The following PRKAR1A variants were observed in gnomAD, a reference collection of about 807,000 sequenced individuals.
PRKAR1A encodes protein kinase cAMP-dependent type I regulatory subunit alpha.
In PRKAR1A, 3 loss-of-function variants were observed where a neutral mutation model predicts 52.0. That is an observed-to-expected ratio of 0.06 (90% CI 0.03 to 0.15). PRKAR1A has a LOEUF of 0.15. PRKAR1A is among the 10% of genes least tolerant of loss of function. The pLI is 1.00. For missense variants in PRKAR1A, 240 were observed against 477.4 expected (o/e 0.50, Z 4.63); for synonymous variants, 188 against 168.4 (o/e 1.12, Z -0.90).
chr17:68,541,036 C>T, intron 11 of PRKAR1A: 2 of 1,540,142 alleles, frequency 1.3e-6, no homozygotes, highest in Non-Finnish European at 8.8e-7. Flanking sequence ...CCTCCCCCTG[C>T]CCCCCCAATC....
At chr17:68,488,734 CAA>C in the PRKAR1A span, among the ~76,000 whole-genome samples, 8 of 42,786 alleles carry the variant, frequency 1.9e-4, no homozygotes, top group Admixed American at 2.7e-4. Flanking sequence ...CATCTCAAAA[CAA>C]AAAAAAAAAA....
the PRKAR1A span, among the ~76,000 whole-genome samples, chr17:68,416,616 T>C: frequency 6.6e-6 from 1 of 152,202 alleles, no homozygotes; most frequent in Non-Finnish European, 1.5e-5. Context: ...TTCTTAGATT[T>C]GGTCGTTTAA....
At chr17:68,525,446 A>G (rs2085759070) in intron 6 of PRKAR1A, among the ~76,000 whole-genome samples, 1 of 152,244 alleles carries the variant, frequency 6.6e-6, no homozygotes, top group Non-Finnish European at 1.5e-5. Context: ...AATGTTTAGC[A>G]TAGTGCTCAG....
chr17:68,468,019 A>C, the PRKAR1A span, among the ~76,000 whole-genome samples: 4 of 152,138 alleles, frequency 2.6e-5, no homozygotes, highest in Admixed American at 2.6e-4. Flanking sequence ...CTCAGCCTCC[A>C]CAAGTAGCTG....
chr17:68,529,779 C>A, intron 9 of PRKAR1A, 141 bp from the exon 10 acceptor site: 1 of 818,700 alleles, frequency 1.2e-6, no homozygotes, highest in Non-Finnish European at 2.1e-6. Flanking sequence ...GAAATTGAAG[C>A]TCATGTGGTG....
At chr17:68,418,763 G>T in the PRKAR1A span, among the ~76,000 whole-genome samples, 2 of 151,910 alleles carry the variant, frequency 1.3e-5, no homozygotes, top group African/African-American at 4.8e-5. Context: ...CATCCTACAG[G>T]GTCCCCTGTA....
chr17:68,426,253 G>GGGGGGGGGT, the PRKAR1A span: 5 of 841,016 alleles, frequency 5.9e-6, 1 homozygote, highest in East Asian at 6.8e-5. Flanking sequence ...GGGGAGCGGG[G>GGGGGGGGGT]GCTCAAATAA....
Position 68,543,648 on chromosome 17 carries a change from C to T in PRKAR1A, c.974-7436C>T, listed in dbSNP as rs374500334. 3.5e-5 allele frequency: 57 copies of T among 1,613,890 alleles called. No individual in the cohort carries two copies. In the African/African-American group the frequency reaches 3.9e-4, roughly 11 times the overall value. On this transcript the variant is annotated intron_variant, in intron 11 of 11. Coordinates refer to the PRKAR1A transcript ENST00000585981. Reference sequence around the variant, plus strand: ...CCCTACCTGTCCAGATGGAAAGCTGCGATCTCAGCATTGTGTCTCTGAAAG... The same window carrying T: ...CCCTACCTGTCCAGATGGAAAGCTGTGATCTCAGCATTGTGTCTCTGAAAG...
chr17:68,478,972 C>T, the PRKAR1A span, among the ~76,000 whole-genome samples: 1 of 152,202 alleles, frequency 6.6e-6, no homozygotes, highest in Non-Finnish European at 1.5e-5. Context: ...AGGCCATCCG[C>T]CCACCTTGGC....
the PRKAR1A span, chr17:68,433,334 C>T: frequency 1.4e-5 from 12 of 855,100 alleles, no homozygotes; most frequent in African/African-American, 1.5e-4. Flanking sequence ...ACACACACTC[C>T]ATCACTTAGG....
intron 6 of PRKAR1A, 58 bp from the exon 7 acceptor site, chr17:68,525,696 T>C (rs527759599): frequency 3.2e-6 from 5 of 1,576,408 alleles, no homozygotes; most frequent in East Asian, 2.2e-5. Context: ...TGAGGGTTTT[T>C]AACATTTAAG....
At chr17:68,456,019 A>C in the PRKAR1A span, among the ~76,000 whole-genome samples, 1 of 152,226 alleles carries the variant, frequency 6.6e-6, no homozygotes, top group African/African-American at 2.4e-5. Flanking sequence ...AGTGGATCCT[A>C]AAACGCAATT....
the PRKAR1A span, among the ~76,000 whole-genome samples, chr17:68,441,528 G>A: frequency 6.6e-6 from 1 of 152,158 alleles, no homozygotes; most frequent in African/African-American, 2.4e-5. Context: ...CAGATAAGGC[G>A]ACTCCTGGCC....
downstream of PRKAR1A, chr17:68,537,049 A>G (rs369794249): frequency 1.5e-5 from 7 of 456,664 alleles, no homozygotes; most frequent in African/African-American, 8.0e-5. This position sits in a 1 kb window ranked among gnomAD's most constrained non-coding sequence, Gnocchi z 4.2. Context: ...AGCTTGTGAT[A>G]GGCCAGGTGT....
chr17:68,456,538 T>C, the PRKAR1A span, among the ~76,000 whole-genome samples: 1 of 152,314 alleles, frequency 6.6e-6, no homozygotes, highest in Middle Eastern at 3.4e-3. Flanking sequence ...CACAGAATCC[T>C]GCAGATGCCT....
intron 2 of PRKAR1A, 112 bp from the exon 3 acceptor site, chr17:68,522,644 T>C: frequency 1.6e-6 from 2 of 1,216,662 alleles, no homozygotes; most frequent in South Asian, 2.6e-5. Flanking sequence ...TAACTTACAT[T>C]GTTAATGGAA....
At chr17:68,479,596 T>C in the PRKAR1A span, among the ~76,000 whole-genome samples, 1 of 152,214 alleles carries the variant, frequency 6.6e-6, no homozygotes, top group Non-Finnish European at 1.5e-5. Flanking sequence ...TTTCCTATTT[T>C]CCAGTTTTTA....
intron 11 of PRKAR1A, chr17:68,540,977 C>T (rs1364455094): frequency 1.9e-6 from 3 of 1,565,556 alleles, no homozygotes; most frequent in African/African-American, 2.7e-5. Flanking sequence ...GAGAAGAAGT[C>T]CTGGGGCTGG....
At position 68,531,661 on chromosome 17, in the gene PRKAR1A, T is replaced by A. The variant is rs8905; in HGVS notation, c.*1212T>A. ...AAATTGGTCTGAAAGGCTATCCTGC[T>A]GAAAGTCCTGCTTTCCTATCTAGCA... On this transcript the variant is annotated 3_prime_UTR_variant, in exon 11 of 11. Coordinates refer to ENST00000589228, the MANE Select transcript of PRKAR1A (RefSeq NM_002734.5). The A allele has an allele frequency of 1.0e-5, 11 of 1,066,140 alleles. No homozygotes were observed. The highest frequency in any genetic ancestry group is 1.3e-5 in the Non-Finnish European group (11 of 879,484). 66.0% of individuals were successfully genotyped at this position (1,066,140 alleles called of 1,614,324 possible). A position where few individuals can be genotyped will look rare whatever the true frequency, so the allele number is the denominator to read the frequency against.
Sources: gnomAD v4.1 joint callset for allele counts (sites outside exome capture counted in the v4.1 genomes callset) on GRCh38, gnomAD v4.1.1 for gene constraint, Gnocchi (gnomAD v3.1) non-coding constraint, MANE v1.5 for transcripts, NCBI Gene and HGNC (gene_info 2026-07-23, HGNC 2026-07-21) for gene names.